Variants in GRM1 observed in about 807,000 individuals in gnomAD.
GRM1 encodes the protein metabotropic glutamate receptor 1.
In GRM1, 33 loss-of-function variants were observed where a neutral mutation model predicts 90.9. The ratio of observed to expected loss-of-function variants is 0.36; its 90% CI spans 0.28 to 0.49. The LOEUF is 0.49. GRM1 is among the 20% of genes least tolerant of loss of function. GRM1 has a pLI of 0.99. For synonymous variants in GRM1, 700 were observed against 613.2 expected (o/e 1.14, Z -2.09); for missense variants, 1,190 against 1,534.3 (o/e 0.78, Z 3.75).
chr6:146,202,371 C>G (rs969201676), intron 2 of GRM1, among the ~76,000 whole-genome samples: 1 of 152,048 alleles, frequency 6.6e-6, no homozygotes, highest in African/African-American at 2.4e-5. Flanking sequence ...CATCTTTGAG[C>G]TTCAGTTGTC....
At chr6:146,043,782 G>GATATATATATATATATAT (rs3064997) in intron 1 of GRM1, among the ~76,000 whole-genome samples, 98 of 89,934 alleles carry the variant, frequency 1.1e-3, no homozygotes, top group South Asian at 2.1e-3. Context: ...AGAGTCAGGT[G>GATATATATATATATATAT]ATATATATAT....
At chr6:146,204,270 G>A (rs1779420785) in intron 2 of GRM1, among the ~76,000 whole-genome samples, 1 of 152,178 alleles carries the variant, frequency 6.6e-6, no homozygotes, top group Admixed American at 6.5e-5. Context: ...ATAAGACAAT[G>A]GGCAGAAGTG....
chr6:146,262,221 G>A (rs1276295701), intron 2 of GRM1, among the ~76,000 whole-genome samples: 3 of 151,980 alleles, frequency 2.0e-5, no homozygotes, highest in Admixed American at 1.3e-4. Context: ...CAGTCAAGAT[G>A]TTGTCCTCAT....
At chr6:146,051,943 A>G (rs1184823067) in intron 1 of GRM1, among the ~76,000 whole-genome samples, 1 of 152,066 alleles carries the variant, frequency 6.6e-6, no homozygotes, top group African/African-American at 2.4e-5. Flanking sequence ...GGCTGAAGTC[A>G]TGTCAACAAG....
chr6:146,075,025 A>G (rs1396450705), intron 1 of GRM1, among the ~76,000 whole-genome samples: 2 of 152,150 alleles, frequency 1.3e-5, no homozygotes, highest in East Asian at 1.9e-4. Context: ...ATGAGGATCA[A>G]TTTTCCAGAG....
At chr6:146,198,994 G>T (rs1779212660) in intron 2 of GRM1, among the ~76,000 whole-genome samples, 1 of 152,124 alleles carries the variant, frequency 6.6e-6, no homozygotes, top group South Asian at 2.1e-4. Flanking sequence ...GGCTTAAGAG[G>T]AAAAGCACTC....
intron 2 of GRM1, among the ~76,000 whole-genome samples, chr6:146,259,302 T>C (rs545273731): frequency 2.6e-5 from 4 of 152,326 alleles, no homozygotes; most frequent in African/African-American, 9.6e-5. Context: ...CTTTGGTTTT[T>C]AATTGTGTAA....
intron 5 of GRM1, among the ~76,000 whole-genome samples, chr6:146,368,862 A>G (rs1583398471): frequency 6.6e-6 from 1 of 152,168 alleles, no homozygotes; most frequent in African/African-American, 2.4e-5. Flanking sequence ...ATGGCTTTGT[A>G]GAATGAATTT....
In GRM1 at chr6:146,159,639, T is replaced by A. The variant is rs578242342; in HGVS notation, c.950+42T>A. On this transcript the variant is annotated intron_variant, in intron 2 of 7. Transcript: ENST00000282753. ...CTCTCTCTCTCTCTCTCTCTCTCTC[T>A]CTCACACACACACATGCACACACAC... 94,506 of 1,123,978 alleles carry A rather than the reference T, an allele frequency of 0.084. 7,016 individuals carry two copies. Among genetic ancestry groups the A allele is most frequent in the African/African-American group, 0.35 (19,640 of 55,438 alleles). The allele number at this position is 1,123,978 out of a possible 1,614,324, so 69.6% of individuals were successfully genotyped here. A position where few individuals can be genotyped will look rare whatever the true frequency, so the allele number is the denominator to read the frequency against.
chr6:146,401,165 A>G (rs1777145446), intron 7 of GRM1, among the ~76,000 whole-genome samples: 1 of 152,158 alleles, frequency 6.6e-6, no homozygotes, highest in African/African-American at 2.4e-5. Context: ...CTTTGGGAAA[A>G]CATATCTTTG....
chr6:146,379,111 A>C (rs1441535463), intron 5 of GRM1, among the ~76,000 whole-genome samples: 2 of 152,110 alleles, frequency 1.3e-5, no homozygotes, highest in African/African-American at 4.8e-5. Context: ...GGATATTGAT[A>C]TCTTACTCTA....
intron 2 of GRM1, among the ~76,000 whole-genome samples, chr6:146,174,301 A>G (rs1350503852): frequency 6.6e-6 from 1 of 152,184 alleles, no homozygotes; most frequent in East Asian, 1.9e-4. Flanking sequence ...TAACTACTGG[A>G]TATGACTTTA....
rs140268424 is a variant in GRM1 at position 146,410,769 on chromosome 6, CAA to C, written c.2660+11071_2660+11072del. On this transcript the variant is annotated intron_variant, in intron 7 of 7. Coordinates refer to ENST00000282753, the MANE Select transcript of GRM1 (RefSeq NM_001278064.2). ...CGATGTAAAGAGATTTGGAGGCAAACAAGACCTCAGCTTATTAGGAAAATGAA... is the reference window on the plus strand; with the variant it reads ...CGATGTAAAGAGATTTGGAGGCAAACGACCTCAGCTTATTAGGAAAATGAA... Among the ~76,000 whole-genome samples the C allele has an allele frequency of 5.5e-3, 839 of 152,216 alleles. 6 individuals carry two copies. The highest frequency in any genetic ancestry group is 0.019 in the African/African-American group (776 of 41,532).
intron 1 of GRM1, among the ~76,000 whole-genome samples, chr6:146,104,335 G>A (rs1415770094): frequency 6.6e-6 from 1 of 152,166 alleles, no homozygotes; most frequent in Non-Finnish European, 1.5e-5. Flanking sequence ...AGCTACTTGG[G>A]AGGCTGAGGC....
intron 1 of GRM1, among the ~76,000 whole-genome samples, chr6:146,126,353 TACA>T (rs1360992245): frequency 1.3e-5 from 2 of 152,150 alleles, no homozygotes; most frequent in African/African-American, 2.4e-5. Context: ...AGATATTTAC[TACA>T]ACAATTGGAT....
At chr6:146,345,874 C>T (rs1325769503) in intron 3 of GRM1, among the ~76,000 whole-genome samples, 2 of 152,224 alleles carry the variant, frequency 1.3e-5, no homozygotes, top group Non-Finnish European at 2.9e-5. Context: ...GTAGCATACT[C>T]TGTCTCTGTG....
At chr6:146,170,730 T>C (rs1467416349) in intron 2 of GRM1, among the ~76,000 whole-genome samples, 1 of 152,122 alleles carries the variant, frequency 6.6e-6, no homozygotes, top group South Asian at 2.1e-4. Flanking sequence ...AATATATTTA[T>C]AATAGATACT....
chr6:146,186,134 TTTA>T (rs756347387), intron 2 of GRM1, among the ~76,000 whole-genome samples: 1 of 149,566 alleles, frequency 6.7e-6, no homozygotes, highest in Admixed American at 6.7e-5. Flanking sequence ...TTTTTATTTA[TTTA>T]TTATTATTAT....
At chr6:146,321,998 G>A (rs200897449) in intron 3 of GRM1, among the ~76,000 whole-genome samples, 2 of 151,986 alleles carry the variant, frequency 1.3e-5, no homozygotes, top group East Asian at 1.9e-4. Context: ...GAGGAGAAGA[G>A]GCCTTTTTGC....
Sources: allele counts gnomAD v4.1 joint callset (sites outside exome capture counted in the v4.1 genomes callset), GRCh38; gene constraint gnomAD v4.1.1; transcripts MANE v1.5; gene names NCBI Gene and HGNC (gene_info 2026-07-23, HGNC 2026-07-21).